Variants in UPF1 observed in about 807,000 individuals in gnomAD.
UPF1 encodes regulator of nonsense transcripts 1.
Under a neutral mutation model 129.2 loss-of-function variants are expected in UPF1, and 9 were observed. The ratio of observed to expected loss-of-function variants is 0.07; its 90% CI spans 0.04 to 0.12. The LOEUF is 0.12. Ranked by LOEUF, UPF1 falls within the 10% of genes least tolerant of loss-of-function variation. UPF1 has a pLI of 1.00. For synonymous variants in UPF1, 649 were observed against 644.9 expected (o/e 1.01, Z -0.10); for missense variants, 788 against 1,525.3 (o/e 0.52, Z 8.05).
intron 16 of UPF1, 38 bp downstream of exon 16, chr19:18,860,476 G>A (rs1021513547): frequency 1.9e-6 from 3 of 1,596,786 alleles, no homozygotes; most frequent in South Asian, 1.1e-5. Context: ...TGCAGGTCTT[G>A]GGGACAGCTT....
In UPF1 at chr19:18,832,054, T is replaced by A; in HGVS notation, c.-156T>A. 1 of 624,522 alleles carries A rather than the reference T, an allele frequency of 1.6e-6. No individual in the cohort carries two copies. Among genetic ancestry groups the A allele is most frequent in the Non-Finnish European group, 2.3e-6 (1 of 433,938 alleles). 38.7% of individuals were successfully genotyped at this position (624,522 alleles called of 1,614,324 possible). A position where few individuals can be genotyped will look rare whatever the true frequency, so the allele number is the denominator to read the frequency against. Reference sequence around the variant, plus strand: ...GCGGCGGCGGCTCGGCACTGTTACCTCTCGGTCCGGCTGGCGCCGGGGCGC... The same window carrying A: ...GCGGCGGCGGCTCGGCACTGTTACCACTCGGTCCGGCTGGCGCCGGGGCGC... On this transcript the variant is annotated 5_prime_UTR_variant, in exon 1 of 24. Coordinates refer to ENST00000262803, the MANE Select transcript of UPF1 (RefSeq NM_002911.4). The surrounding 1 kb of genome is among the most constrained non-coding windows in gnomAD (Gnocchi z 5.6).
At chr19:18,846,951 A>G (rs997922885) in intron 2 of UPF1, among the ~76,000 whole-genome samples, 1 of 152,162 alleles carries the variant, frequency 6.6e-6, no homozygotes, top group African/African-American at 2.4e-5. Context: ...CCGAGATCGC[A>G]CCACTGCACT....
At chr19:18,855,383 C>G (rs940148562) in intron 11 of UPF1, 141 bp downstream of exon 11, 3 of 844,144 alleles carry the variant, frequency 3.6e-6, no homozygotes, top group Non-Finnish European at 3.6e-6. Context: ...GCCTACCGCT[C>G]TCTATGTGAC....
At chr19:18,852,939 G>C in intron 6 of UPF1, 48 bp from the exon 7 acceptor site, 1 of 1,530,408 alleles carries the variant, frequency 6.5e-7, no homozygotes, top group Non-Finnish European at 9.0e-7. Flanking sequence ...GGCCAGGCCC[G>C]GGCCTGTGCT....
Position 18,832,550 on chromosome 19 carries a change from G to A in UPF1, c.231+110G>A, listed in dbSNP as rs2055439309. On this transcript the variant is annotated intron_variant, in intron 1 of 23. Transcript: ENST00000262803. The surrounding 1 kb of genome is among the most constrained non-coding windows in gnomAD (Gnocchi z 5.6). ...TGTTTGGCCGGAGTCCCCCATCGCGGCCGGGCCTGGGGCGATCTGCCCCGG... is the reference window on the plus strand; with the variant it reads ...TGTTTGGCCGGAGTCCCCCATCGCGACCGGGCCTGGGGCGATCTGCCCCGG... The A allele has an allele frequency of 1.2e-6, 1 of 840,012 alleles. No individual in the cohort carries two copies. Among genetic ancestry groups the A allele is most frequent in the Non-Finnish European group, 1.4e-6 (1 of 696,722 alleles). The allele number at this position is 840,012 out of a possible 1,614,324, so 52.0% of individuals were successfully genotyped here.
At chr19:18,848,842 T>C (rs2055627578) in intron 3 of UPF1, among the ~76,000 whole-genome samples, 2 of 152,204 alleles carry the variant, frequency 1.3e-5, no homozygotes, top group Non-Finnish European at 2.9e-5. Context: ...TTCTGGGTAA[T>C]TTAAGTGTTG....
intron 16 of UPF1, 80 bp downstream of exon 16, chr19:18,860,518 A>T: frequency 7.1e-7 from 1 of 1,413,290 alleles, no homozygotes; most frequent in Non-Finnish European, 9.9e-7. Context: ...ACTTATTTTT[A>T]ACATGGGACT....
chr19:18,858,998 A>C (rs567397330), intron 15 of UPF1, among the ~76,000 whole-genome samples: 149 of 152,188 alleles, frequency 9.8e-4, no homozygotes, highest in African/African-American at 3.3e-3. Context: ...GTTACAGGAG[A>C]AAGTGAGGCT....
At chr19:18,852,847 G>A (rs2055675451) in intron 6 of UPF1, 140 bp from the exon 7 acceptor site, 4 of 691,138 alleles carry the variant, frequency 5.8e-6, no homozygotes, top group South Asian at 1.8e-5. Context: ...GGCATTTGGG[G>A]CTGCAGGTGC....
Position 18,832,272 on chromosome 19 carries a change from C to A in UPF1, c.63C>A (p.Ala21=). The stretch of plus-strand genomic sequence containing the variant: ...TCACTTTCCTGGACACGGAGGAGGC[C>A]GAGCTGCTTGGCGCCGACACACAGG... ...QTLTFLDTEE[A]ELLGADTQGS... The change falls in exon 1 of 24, where the codon GCC becomes GCA. Residue 21 remains alanine (A), a synonymous_variant. Transcript: ENST00000262803. This position sits in a 1 kb window ranked among gnomAD's most constrained non-coding sequence, Gnocchi z 5.6. 1.3e-6 allele frequency: 2 copies of A among 1,551,220 alleles called. No homozygotes were observed. Among genetic ancestry groups the A allele is most frequent in the Non-Finnish European group, 1.7e-6 (2 of 1,148,508 alleles).
chr19:18,838,426 A>G (rs2055505906), intron 1 of UPF1, among the ~76,000 whole-genome samples: 1 of 152,254 alleles, frequency 6.6e-6, no homozygotes, highest in South Asian at 2.1e-4. Context: ...AGGCAGGTGA[A>G]TCACCGGAGG....
chr19:18,835,405 G>T (rs985243912), intron 1 of UPF1, among the ~76,000 whole-genome samples: 2 of 151,860 alleles, frequency 1.3e-5, no homozygotes, highest in Non-Finnish European at 2.9e-5. Context: ...GCAGTGGCGT[G>T]ATCTTGGCTC....
At chr19:18,862,232 GT>G in intron 18 of UPF1, 80 bp downstream of exon 18, 1 of 1,567,952 alleles carries the variant, frequency 6.4e-7, no homozygotes, top group Non-Finnish European at 8.6e-7. Flanking sequence ...AGGGTTGGGG[GT>G]TGCCAGGGCC....
intron 9 of UPF1, 46 bp downstream of exon 9, chr19:18,854,755 G>T (rs751442936): frequency 1.2e-6 from 2 of 1,607,508 alleles, no homozygotes; most frequent in Admixed American, 3.3e-5. Flanking sequence ...GTTGCCACCT[G>T]TGGCATCTTT....
intron 1 of UPF1, among the ~76,000 whole-genome samples, chr19:18,834,020 G>GGAGA (rs2055457336): frequency 1.3e-5 from 2 of 152,308 alleles, no homozygotes; most frequent in East Asian, 3.9e-4. Context: ...AGGGAGGGAG[G>GGAGA]GAGAGAGGAG....
intron 1 of UPF1, among the ~76,000 whole-genome samples, chr19:18,834,286 CG>C (rs2055460387): frequency 6.6e-6 from 1 of 152,138 alleles, no homozygotes; most frequent in Non-Finnish European, 1.5e-5. Flanking sequence ...CAGCGCGGAT[CG>C]GGGGGTTGGC....
rs948094076 is a variant in UPF1 at position 18,865,938 on chromosome 19, A to C, written c.3238-106A>C. On this transcript the variant is annotated intron_variant, in intron 22 of 23. Coordinates refer to ENST00000262803, the MANE Select transcript of UPF1 (RefSeq NM_002911.4). The surrounding 1 kb of genome is among the most constrained non-coding windows in gnomAD (Gnocchi z 6.1). ...CATCAGAGTGGGTCTCCTGGGTCTTAGTTTGGGGACGGGTTTTCCATTCTT... is the reference window on the plus strand; with the variant it reads ...CATCAGAGTGGGTCTCCTGGGTCTTCGTTTGGGGACGGGTTTTCCATTCTT... The C allele has an allele frequency of 1.2e-5, 19 of 1,590,434 alleles. 1 individual carries two copies. The South Asian group carries it at 1.8e-4, about 15-fold the overall frequency.
chr19:18,838,378 G>A (rs964653406), intron 1 of UPF1, among the ~76,000 whole-genome samples: 1 of 152,170 alleles, frequency 6.6e-6, no homozygotes, highest in Admixed American at 6.5e-5. Context: ...GCCGGGCTTG[G>A]TGGCTCACGC....
In UPF1 at chr19:18,864,176, C is replaced by T. The variant is rs1349791107; in HGVS notation, c.2782C>T (p.Arg928Cys). 1.9e-6 allele frequency: 3 copies of T among 1,613,792 alleles called. No homozygotes were observed. The highest frequency in any genetic ancestry group is 1.3e-5 in the African/African-American group (1 of 74,932). The change falls in exon 20 of 24, where the codon CGC (arginine) becomes TGC (cysteine). Residue 928 changes from arginine (R) to cysteine (C), a missense_variant. This residue lies in a region of UPF1 where 218 missense variants were observed against 318.1 expected (regional missense o/e 0.69). Transcript: ENST00000262803. ...CCTATCTAAACCTTCGCAGGGAGCC[C>T]GCTTCATGACCACAGCCATGTATGA... ...KLVNTINPGA[R>C]FMTTAMYDAR...
Sources: allele counts gnomAD v4.1 joint callset (sites outside exome capture counted in the v4.1 genomes callset), GRCh38; gene constraint gnomAD v4.1.1; regional missense constraint gnomAD v4.1.1; non-coding constraint Gnocchi (gnomAD v3.1); transcripts MANE v1.5; gene names NCBI Gene and HGNC (gene_info 2026-07-23, HGNC 2026-07-21).